The following MPPED1 variants were observed in gnomAD, a reference collection of about 807,000 sequenced individuals.
MPPED1 encodes the protein metallophosphoesterase domain containing 1, also known as metallophosphoesterase domain-containing protein 1.
A neutral mutation model predicts 36.2 loss-of-function variants in MPPED1; 16 were observed. The ratio of observed to expected loss-of-function variants is 0.44; its 90% CI spans 0.30 to 0.67. The LOEUF is 0.67. MPPED1 is among the 30% of genes least tolerant of loss of function. MPPED1 has a pLI of 0.10. For synonymous variants in MPPED1, 199 were observed against 191.3 expected (o/e 1.04, Z -0.33); for missense variants, 307 against 453.4 (o/e 0.68, Z 2.93).
chr22:43,445,162 C>T (rs1400282896), intron 3 of MPPED1, among the ~76,000 whole-genome samples: 3 of 152,210 alleles, frequency 2.0e-5, no homozygotes, highest in Non-Finnish European at 4.4e-5. Context: ...CTGGGAGTAA[C>T]TTGAAGGCCT....
intron 3 of MPPED1, among the ~76,000 whole-genome samples, chr22:43,470,425 A>T (rs1931334513): frequency 6.6e-6 from 1 of 152,164 alleles, no homozygotes; most frequent in African/African-American, 2.4e-5. Context: ...CCATCCATTC[A>T]TCCATCCGTC....
chr22:43,439,721 C>G (rs1003145401), intron 3 of MPPED1, among the ~76,000 whole-genome samples: 1 of 152,206 alleles, frequency 6.6e-6, no homozygotes, highest in East Asian at 1.9e-4. Context: ...ACATCTGTCA[C>G]GGTGAACAAC....
At position 43,474,754 on chromosome 22, in the gene MPPED1, A is replaced by G; in HGVS notation, c.425A>G (p.Tyr142Cys). The part of the protein sequence containing the change: ...NEWLGSLPYE[Y>C]KIVIAGNHEL... ...CCTGCAGGCAGCCTGCCCTACGAGT[A>G]CAAGATCGTGATCGCAGGCAACCAC... Residue 142 changes from tyrosine (Y) to cysteine (C), a missense_variant, in exon 4 of 7, where the codon TAC becomes TGC. Coordinates refer to ENST00000443721, the MANE Select transcript of MPPED1 (RefSeq NM_001044370.2). The surrounding 1 kb of genome is among the most constrained non-coding windows in gnomAD (Gnocchi z 5.2). 1 of 1,614,012 alleles carries G rather than the reference A, an allele frequency of 6.2e-7. No homozygotes were observed. The highest frequency in any genetic ancestry group is 1.3e-5 in the African/African-American group (1 of 75,070).
intron 4 of MPPED1, among the ~76,000 whole-genome samples, chr22:43,485,202 C>T (rs1164134256): frequency 6.6e-6 from 1 of 152,002 alleles, no homozygotes; most frequent in East Asian, 1.9e-4. Flanking sequence ...ACCTATACAC[C>T]TACACACACA....
intron 5 of MPPED1, among the ~76,000 whole-genome samples, chr22:43,499,636 A>T (rs1360728774): frequency 4.8e-4 from 6 of 12,492 alleles, no homozygotes; most frequent in Admixed American, 1.1e-3. Context: ...ATGATGGTGG[A>T]GGTGGTGGTG....
At chr22:43,501,837 T>C (rs1932744145) in intron 5 of MPPED1, among the ~76,000 whole-genome samples, 1 of 151,726 alleles carries the variant, frequency 6.6e-6, no homozygotes, top group Non-Finnish European at 1.5e-5. Flanking sequence ...CTCCTCCTCC[T>C]CCCTCATCTT....
intron 2 of MPPED1, among the ~76,000 whole-genome samples, chr22:43,427,963 T>C (rs990725285): frequency 6.6e-6 from 1 of 152,102 alleles, no homozygotes; most frequent in Non-Finnish European, 1.5e-5. Context: ...CGCACAGTAA[T>C]GCTGGGGATG....
Position 43,474,708 on chromosome 22 carries a change from G to C in MPPED1, c.407-28G>C, listed in dbSNP as rs762294406. On this transcript the variant is annotated intron_variant, in intron 3 of 6. Transcript: ENST00000443721. This position sits in a 1 kb window ranked among gnomAD's most constrained non-coding sequence, Gnocchi z 5.2. ...CTGGACAAGCTGACGGCTGTGTGCT[G>C]TGTGTCTGTCTGTGTCCACCCCTGC... 6.2e-7 allele frequency: 1 copy of C among 1,610,398 alleles called. No individual in the cohort carries two copies. The highest frequency in any genetic ancestry group is 1.7e-5 in the Admixed American group (1 of 59,980).
intron 4 of MPPED1, among the ~76,000 whole-genome samples, chr22:43,480,844 G>A (rs1213370654): frequency 7.1e-6 from 1 of 140,298 alleles, no homozygotes; most frequent in Non-Finnish European, 1.5e-5. Context: ...TTTTTTTTGA[G>A]ATGGAGTCTC....
intron 4 of MPPED1, among the ~76,000 whole-genome samples, chr22:43,490,711 C>T (rs1228469789): frequency 6.6e-6 from 1 of 152,232 alleles, no homozygotes; most frequent in African/African-American, 2.4e-5. Flanking sequence ...GTTTGGAAGG[C>T]ACCACCAGAA....
At chr22:43,504,994 G>A (rs544574880) in intron 6 of MPPED1, among the ~76,000 whole-genome samples, 32 of 152,118 alleles carry the variant, frequency 2.1e-4, no homozygotes, top group African/African-American at 7.2e-4. Flanking sequence ...TGATGATGAC[G>A]GTGATGGTAA....
At chr22:43,462,976 A>G (rs1302741591) in intron 3 of MPPED1, among the ~76,000 whole-genome samples, 1 of 152,224 alleles carries the variant, frequency 6.6e-6, no homozygotes, top group Non-Finnish European at 1.5e-5. Flanking sequence ...CATGTTAGAA[A>G]AGATCTTTAT....
At chr22:43,484,970 T>C (rs1027321268) in intron 4 of MPPED1, among the ~76,000 whole-genome samples, 3 of 152,158 alleles carry the variant, frequency 2.0e-5, no homozygotes, top group Non-Finnish European at 4.4e-5. Flanking sequence ...GGCAAAGAAA[T>C]TCTTCAGTCT....
chr22:43,463,893 CTTTCTTTCTTTTCT>C (rs1199187548), intron 3 of MPPED1, among the ~76,000 whole-genome samples: 2 of 128,384 alleles, frequency 1.6e-5, no homozygotes, highest in African/African-American at 5.9e-5. Flanking sequence ...GTCTGTCTGT[CTTTCTTTCTTTTCT>C]TTTCTTTCTT....
intron 4 of MPPED1, among the ~76,000 whole-genome samples, chr22:43,480,071 C>T (rs978438959): frequency 6.6e-6 from 1 of 152,104 alleles, no homozygotes; most frequent in Non-Finnish European, 1.5e-5. Context: ...ATGTTGTTGC[C>T]CAGACTGATT....
intron 2 of MPPED1, among the ~76,000 whole-genome samples, chr22:43,432,858 G>GAT (rs1929798371): frequency 2.7e-5 from 2 of 74,342 alleles, no homozygotes; most frequent in African/African-American, 8.6e-5. Context: ...AGGAGAGAGA[G>GAT]AAAGGGAGGA....
At chr22:43,458,799 G>A (rs1338714551) in intron 3 of MPPED1, among the ~76,000 whole-genome samples, 1 of 152,186 alleles carries the variant, frequency 6.6e-6, no homozygotes, top group Non-Finnish European at 1.5e-5. Flanking sequence ...AGTTTTGCGG[G>A]ATGTAGAATT....
intron 4 of MPPED1, among the ~76,000 whole-genome samples, chr22:43,497,513 T>A (rs1031377542): frequency 3.3e-5 from 5 of 152,050 alleles, no homozygotes; most frequent in Admixed American, 1.3e-4. Flanking sequence ...CTTTTCTTCT[T>A]GAAAAGAGAC....
At chr22:43,492,033 GTGGAGGTGGTGGTGA>G (rs1932121719) in intron 4 of MPPED1, among the ~76,000 whole-genome samples, 1 of 149,844 alleles carries the variant, frequency 6.7e-6, no homozygotes. Flanking sequence ...GATGGAGGTG[GTGGAGGTGGTGGTGA>G]TGGAGGTGGT....
Sources: allele counts gnomAD v4.1 joint callset (sites outside exome capture counted in the v4.1 genomes callset), GRCh38; gene constraint gnomAD v4.1.1; non-coding constraint Gnocchi (gnomAD v3.1); transcripts MANE v1.5; gene names NCBI Gene and HGNC (gene_info 2026-07-23, HGNC 2026-07-21).